Variants in HS3ST4 observed in about 807,000 individuals in gnomAD.
The protein encoded by HS3ST4 is heparan sulfate-glucosamine 3-sulfotransferase 4.
Under a neutral mutation model 29.2 loss-of-function variants are expected in HS3ST4, and 17 were observed. That is an observed-to-expected ratio of 0.58 (90% CI 0.40 to 0.87). The LOEUF (loss-of-function observed/expected upper bound fraction) is 0.87, where lower values mean the gene tolerates loss of function less well. HS3ST4 is among the 40% of genes least tolerant of loss of function. The probability of loss-of-function intolerance (pLI) is 0.00; values close to 1 mark genes in which losing one functional copy is unlikely to be tolerated. For missense variants in HS3ST4, 627 were observed against 634.5 expected (o/e 0.99, Z 0.13); for synonymous variants, 314 against 285.7 (o/e 1.10, Z -1.00).
intron 1 of HS3ST4, among the ~76,000 whole-genome samples, chr16:25,968,054 A>G (rs1275756798): frequency 1.3e-5 from 2 of 152,204 alleles, no homozygotes; most frequent in Non-Finnish European, 2.9e-5. Context: ...CAGTGATCAC[A>G]GGAGAAGTGG....
At chr16:25,905,641 G>T (rs565087813) in intron 1 of HS3ST4, among the ~76,000 whole-genome samples, 3 of 152,306 alleles carry the variant, frequency 2.0e-5, no homozygotes, top group Admixed American at 2.0e-4. Flanking sequence ...GTAGCCACCT[G>T]GATGTGAGGT....
intron 1 of HS3ST4, among the ~76,000 whole-genome samples, chr16:25,907,084 C>T (rs999614324): frequency 6.6e-6 from 1 of 152,016 alleles, no homozygotes; most frequent in East Asian, 1.9e-4. Flanking sequence ...GTAGTCCTAG[C>T]GACTAGAGAG....
intron 1 of HS3ST4, among the ~76,000 whole-genome samples, chr16:25,800,769 G>A (rs916455731): frequency 6.6e-6 from 1 of 152,026 alleles, no homozygotes; most frequent in Non-Finnish European, 1.5e-5. Flanking sequence ...TGAGGGCAGA[G>A]CCCTCATGAA....
At chr16:25,998,002 G>A (rs6497909) in intron 1 of HS3ST4, among the ~76,000 whole-genome samples, 10 of 151,984 alleles carry the variant, frequency 6.6e-5, no homozygotes, top group Admixed American at 1.3e-4. Flanking sequence ...TTGTGATGCC[G>A]ATGAGGGTGG....
chr16:25,698,447 A>G (rs1229947978), intron 1 of HS3ST4, among the ~76,000 whole-genome samples: 15 of 152,198 alleles, frequency 9.9e-5, no homozygotes, highest in Non-Finnish European at 1.9e-4. Flanking sequence ...TTGTTGCTGG[A>G]CAAATCCAGG....
chr16:25,797,686 T>TCA (rs1356930869), intron 1 of HS3ST4, among the ~76,000 whole-genome samples: 1 of 152,218 alleles, frequency 6.6e-6, no homozygotes, highest in Non-Finnish European at 1.5e-5. Flanking sequence ...AAAGTACTGC[T>TCA]CATATACCAT....
chr16:25,768,047 G>T (rs1018788686), intron 1 of HS3ST4, among the ~76,000 whole-genome samples: 1 of 152,138 alleles, frequency 6.6e-6, no homozygotes, highest in Non-Finnish European at 1.5e-5. Flanking sequence ...TTTACAGGGG[G>T]TGGCAGGGGA....
intron 1 of HS3ST4, among the ~76,000 whole-genome samples, chr16:25,697,498 G>A (rs1341286859): frequency 6.6e-6 from 1 of 152,192 alleles, no homozygotes; most frequent in African/African-American, 2.4e-5. Flanking sequence ...AAAACGTCTT[G>A]CAATTAAGTC....
At chr16:25,938,683 G>A (rs1474295893) in intron 1 of HS3ST4, among the ~76,000 whole-genome samples, 1 of 151,872 alleles carries the variant, frequency 6.6e-6, no homozygotes, top group Admixed American at 6.6e-5. Context: ...AGTGCACCTG[G>A]TATTTCCTTG....
intron 1 of HS3ST4, among the ~76,000 whole-genome samples, chr16:25,698,693 C>T (rs1966315052): frequency 1.3e-5 from 2 of 152,158 alleles, no homozygotes; most frequent in African/African-American, 2.4e-5. Context: ...AGTTTAGTCT[C>T]GTGTATGCTC....
chr16:25,857,983 CTTTCTT>C (rs1206152087), intron 1 of HS3ST4, among the ~76,000 whole-genome samples: 1 of 103,638 alleles, frequency 9.6e-6, no homozygotes, highest in African/African-American at 3.5e-5. Flanking sequence ...TCTTTTCTGT[CTTTCTT>C]TTTCTTCCTT....
chr16:25,940,549 G>A (rs1439150510), intron 1 of HS3ST4, among the ~76,000 whole-genome samples: 3 of 152,228 alleles, frequency 2.0e-5, no homozygotes, highest in African/African-American at 7.2e-5. Flanking sequence ...GCTATGCTGA[G>A]AGCTGGGAGA....
chr16:25,777,747 G>A (rs937574113), intron 1 of HS3ST4, among the ~76,000 whole-genome samples: 29 of 152,238 alleles, frequency 1.9e-4, no homozygotes, highest in African/African-American at 6.7e-4. Context: ...CAGCCTGGGC[G>A]ACAGAGTGAG....
chr16:25,727,937 G>A (rs553420748), intron 1 of HS3ST4, among the ~76,000 whole-genome samples: 1 of 152,176 alleles, frequency 6.6e-6, no homozygotes, highest in Non-Finnish European at 1.5e-5. Context: ...GTTTGGCTTA[G>A]TGTGGAGGTC....
chr16:26,104,562 C>T (rs1423045103), intron 1 of HS3ST4, among the ~76,000 whole-genome samples: 1 of 152,154 alleles, frequency 6.6e-6, no homozygotes, highest in Non-Finnish European at 1.5e-5. Flanking sequence ...GTGGCTTTCT[C>T]TATTTTTACC....
At chr16:25,955,443 C>T (rs935249808) in intron 1 of HS3ST4, among the ~76,000 whole-genome samples, 1 of 152,142 alleles carries the variant, frequency 6.6e-6, no homozygotes, top group Non-Finnish European at 1.5e-5. Context: ...CAGTTGGTCT[C>T]CTGGAAACCC....
At chr16:25,801,000 C>T (rs772917891) in intron 1 of HS3ST4, among the ~76,000 whole-genome samples, 4 of 152,078 alleles carry the variant, frequency 2.6e-5, no homozygotes, top group Non-Finnish European at 4.4e-5. Flanking sequence ...GTTACAGCCG[C>T]GTGAACAGAC....
chr16:25,995,527 G>A (rs769707474), intron 1 of HS3ST4, among the ~76,000 whole-genome samples: 1 of 152,196 alleles, frequency 6.6e-6, no homozygotes, highest in Non-Finnish European at 1.5e-5. Flanking sequence ...AAAATGGACT[G>A]TACTAGGAGC....
At chr16:26,049,932 C>T (rs1898319485) in intron 1 of HS3ST4, among the ~76,000 whole-genome samples, 1 of 152,142 alleles carries the variant, frequency 6.6e-6, no homozygotes, top group Admixed American at 6.6e-5. Context: ...GAGGAGCTTC[C>T]GTGCCCTCCC....
Sources: allele counts gnomAD v4.1 joint callset (sites outside exome capture counted in the v4.1 genomes callset), GRCh38; gene constraint gnomAD v4.1.1; transcripts MANE v1.5; gene names NCBI Gene and HGNC (gene_info 2026-07-23, HGNC 2026-07-21).